Variants in SLC16A7 observed in about 807,000 individuals in gnomAD.
SLC16A7 encodes solute carrier family 16 member 7.
A neutral mutation model predicts 34.9 loss-of-function variants in SLC16A7; 33 were observed. That is an observed-to-expected ratio of 0.94 (90% CI 0.72 to 1.26). The LOEUF (loss-of-function observed/expected upper bound fraction) is 1.26, where lower values mean the gene tolerates loss of function less well. Among genes scored for constraint, SLC16A7 ranks in the 50% most tolerant of loss-of-function variants. The probability of loss-of-function intolerance (pLI) is 0.00; values close to 1 mark genes in which losing one functional copy is unlikely to be tolerated. For missense variants in SLC16A7, 573 were observed against 578.1 expected (o/e 0.99, Z 0.09); for synonymous variants, 201 against 206.6 (o/e 0.97, Z 0.23).
chr12:59,683,832 T>C (rs1870935794), intron 2 of SLC16A7, among the ~76,000 whole-genome samples: 1 of 152,148 alleles, frequency 6.6e-6, no homozygotes, highest in Admixed American at 6.5e-5. Flanking sequence ...TGAGGAAAAG[T>C]AGCCATTGAA....
At chr12:59,626,680 G>A (rs985953758) in intron 1 of SLC16A7, among the ~76,000 whole-genome samples, 4 of 151,650 alleles carry the variant, frequency 2.6e-5, no homozygotes, top group African/African-American at 9.7e-5. Flanking sequence ...TTAAAATACA[G>A]GCCTGAGCTC....
intron 1 of SLC16A7, among the ~76,000 whole-genome samples, chr12:59,636,576 G>C (rs1005610707): frequency 3.9e-5 from 6 of 152,026 alleles, no homozygotes; most frequent in African/African-American, 1.4e-4. Flanking sequence ...GCAGTCCTCT[G>C]CCTCTGTCTC....
Position 59,757,228 on chromosome 12 carries a change from C to T in SLC16A7, c.218-13991C>T, listed in dbSNP as rs151163524. Among the ~76,000 whole-genome samples the T allele has an allele frequency of 7.2e-3, 1,089 of 151,178 alleles. 18 individuals are homozygous for T. The highest frequency in any genetic ancestry group is 0.022 in the African/African-American group (903 of 40,980). ...ATATGTAACTAACCTGCACATTGTG[C>T]ACATGTACCCCAAAACTTAAAGTAT... is the stretch of plus-strand genomic sequence containing the variant. On this transcript the variant is annotated intron_variant, in intron 3 of 5. Transcript: ENST00000547379.
At chr12:59,680,480 C>T (rs952767332) in intron 2 of SLC16A7, among the ~76,000 whole-genome samples, 3 of 152,206 alleles carry the variant, frequency 2.0e-5, no homozygotes, top group Admixed American at 2.0e-4. Context: ...GTTCTTTAGC[C>T]TCTACTCTTC....
intron 1 of SLC16A7, among the ~76,000 whole-genome samples, chr12:59,602,578 A>G (rs1254100916): frequency 1.4e-5 from 2 of 143,560 alleles, no homozygotes; most frequent in African/African-American, 5.2e-5. Flanking sequence ...CCACCTCCTG[A>G]GTTCAAGTGA....
intron 3 of SLC16A7, among the ~76,000 whole-genome samples, chr12:59,740,928 G>A (rs1878251048): frequency 6.6e-6 from 1 of 152,086 alleles, no homozygotes; most frequent in Admixed American, 6.6e-5. Context: ...CAGACAAACA[G>A]AGAGCCAAAT....
At chr12:59,637,696 C>G (rs375432021) in intron 1 of SLC16A7, among the ~76,000 whole-genome samples, 8 of 152,086 alleles carry the variant, frequency 5.3e-5, no homozygotes, top group East Asian at 3.9e-4. Flanking sequence ...TTTACGTTCT[C>G]TTGTGATTTG....
chr12:59,737,232 A>G (rs1298955256), intron 3 of SLC16A7, among the ~76,000 whole-genome samples: 3 of 152,228 alleles, frequency 2.0e-5, no homozygotes, highest in Non-Finnish European at 4.4e-5. Context: ...GAATTTTGGC[A>G]CACACCTAAA....
intron 3 of SLC16A7, chr12:59,760,977 A>G: frequency 3.1e-6 from 1 of 319,174 alleles, no homozygotes; most frequent in East Asian, 8.6e-5. Flanking sequence ...ATATCGTAAC[A>G]TTGTGCATGG....
chr12:59,644,677 C>CA (rs1880832296), intron 1 of SLC16A7, among the ~76,000 whole-genome samples: 2 of 152,064 alleles, frequency 1.3e-5, no homozygotes, highest in African/African-American at 2.4e-5. Flanking sequence ...TTTCTGATTG[C>CA]AAAAAAATTT....
Position 59,657,297 on chromosome 12 carries a change from G to A in SLC16A7, c.-31+2047G>A, listed in dbSNP as rs77163405. Among the ~76,000 whole-genome samples, 524 of 151,814 alleles carry A rather than the reference G, an allele frequency of 3.5e-3. 3 individuals carry two copies. Among genetic ancestry groups the A allele is most frequent in the Non-Finnish European group, 5.9e-3 (398 of 67,880 alleles). On this transcript the variant is annotated intron_variant, in intron 2 of 5. Transcript: ENST00000547379. ...GCTTTGAAATACCTCTTCTTTGTCC[G>A]TTTTCATCATCATATGTAGATGAAG... is the stretch of plus-strand genomic sequence containing the variant.
At chr12:59,602,882 G>A (rs1040911445) in intron 1 of SLC16A7, among the ~76,000 whole-genome samples, 3 of 152,082 alleles carry the variant, frequency 2.0e-5, no homozygotes, top group Admixed American at 2.0e-4. Context: ...GCCATTTGCT[G>A]TAGTCCTGAC....
chr12:59,754,685 G>A (rs1175827823), intron 3 of SLC16A7, among the ~76,000 whole-genome samples: 1 of 152,124 alleles, frequency 6.6e-6, no homozygotes, highest in African/African-American at 2.4e-5. Context: ...GGTACAAGGA[G>A]GAACTGGTAC....
chr12:59,628,493 C>CAGAAAGTCCCATAGGAATAATTCATT (rs1880026769), intron 1 of SLC16A7, among the ~76,000 whole-genome samples: 1 of 151,772 alleles, frequency 6.6e-6, no homozygotes, highest in East Asian at 1.9e-4. Context: ...TAGGAAATTA[C>CAGAAAGTCCCATAGGAATAATTCATT]GCCGGAGTCC....
intron 1 of SLC16A7, among the ~76,000 whole-genome samples, chr12:59,612,087 C>G (rs1279952618): frequency 4.6e-5 from 7 of 152,240 alleles, no homozygotes; most frequent in Non-Finnish European, 7.3e-5. Context: ...GATGGAGACT[C>G]TGTGTGGAGG....
intron 3 of SLC16A7, 111 bp from the exon 4 acceptor site, chr12:59,771,108 C>A: frequency 1.0e-6 from 1 of 1,001,864 alleles, no homozygotes; most frequent in South Asian, 1.6e-5. Context: ...TAGTATTTCT[C>A]CTCTGACCAT....
At chr12:59,612,324 A>G (rs909110718) in intron 1 of SLC16A7, among the ~76,000 whole-genome samples, 1 of 152,190 alleles carries the variant, frequency 6.6e-6, no homozygotes, top group African/African-American at 2.4e-5. Context: ...CAGTGGCTTG[A>G]GCTGTAACTT....
chr12:59,668,853 C>T (rs892270675), intron 2 of SLC16A7, among the ~76,000 whole-genome samples: 10 of 152,032 alleles, frequency 6.6e-5, no homozygotes, highest in Middle Eastern at 3.2e-3. Context: ...TGAATCATAG[C>T]GGGTATTCTT....
At chr12:59,688,069 A>G (rs892167316) in intron 2 of SLC16A7, among the ~76,000 whole-genome samples, 4 of 152,054 alleles carry the variant, frequency 2.6e-5, no homozygotes, top group Admixed American at 2.6e-4. Flanking sequence ...TCCCTTCAAC[A>G]TGGCTCTTTC....
Sources: allele counts gnomAD v4.1 joint callset (sites outside exome capture counted in the v4.1 genomes callset), GRCh38; gene constraint gnomAD v4.1.1; transcripts MANE v1.5; gene names NCBI Gene and HGNC (gene_info 2026-07-23, HGNC 2026-07-21).